HDAC9: variants seen among roughly 807,000 people sequenced by gnomAD.
HDAC9 encodes histone deacetylase 9.
A neutral mutation model predicts 139.4 loss-of-function variants in HDAC9; 41 were observed. That is an observed-to-expected ratio of 0.29 (90% CI 0.23 to 0.38). The LOEUF is 0.38. HDAC9 is among the 10% of genes least tolerant of loss of function. The pLI is 1.00. For synonymous variants in HDAC9, 517 were observed against 476.2 expected (o/e 1.09, Z -1.12); for missense variants, 1,147 against 1,297.0 (o/e 0.88, Z 1.78).
intron 6 of HDAC9, among the ~76,000 whole-genome samples, chr7:18,617,754 G>A (rs1839053879): frequency 6.6e-6 from 1 of 152,100 alleles, no homozygotes; most frequent in Admixed American, 6.6e-5. Context: ...TCTTCAGAGA[G>A]CTCATAATTG....
intron 15 of HDAC9, among the ~76,000 whole-genome samples, chr7:18,762,923 TG>T (rs1355528377): frequency 3.9e-5 from 6 of 152,134 alleles, no homozygotes; most frequent in Non-Finnish European, 8.8e-5. Context: ...TTTATATGAG[TG>T]ATAGAAACAA....
At chr7:18,361,769 G>A (rs909701499) in intron 1 of HDAC9, among the ~76,000 whole-genome samples, 4 of 151,774 alleles carry the variant, frequency 2.6e-5, no homozygotes, top group African/African-American at 9.7e-5. Flanking sequence ...ATTGTCCATA[G>A]TCCACAAAAC....
chr7:18,874,677 A>G, intron 22 of HDAC9, 81 bp downstream of exon 22: 1 of 771,654 alleles, frequency 1.3e-6, no homozygotes, highest in Non-Finnish European at 2.2e-6. Context: ...ACCACCTTTT[A>G]CATGTGTCCA....
chr7:18,904,191 C>G (rs1440360199), intron 22 of HDAC9, among the ~76,000 whole-genome samples: 2 of 152,122 alleles, frequency 1.3e-5, no homozygotes, highest in Non-Finnish European at 2.9e-5. Context: ...TATGAATTTA[C>G]TGAAATAGTA....
chr7:18,370,720 G>A (rs553181109), intron 1 of HDAC9, among the ~76,000 whole-genome samples: 40 of 152,252 alleles, frequency 2.6e-4, no homozygotes, highest in Admixed American at 1.3e-3. Flanking sequence ...TTTTGCATAA[G>A]GGTTCTATTT....
chr7:18,405,257 A>AG (rs747273444), intron 1 of HDAC9, among the ~76,000 whole-genome samples: 24 of 152,350 alleles, frequency 1.6e-4, no homozygotes, highest in Non-Finnish European at 2.8e-4. Flanking sequence ...CTCCCTTAAA[A>AG]CAGAGCTGCT....
At chr7:18,871,224 T>G (rs577540699) in intron 21 of HDAC9, among the ~76,000 whole-genome samples, 3 of 152,282 alleles carry the variant, frequency 2.0e-5, no homozygotes, top group African/African-American at 4.8e-5. Flanking sequence ...TTGAAAGTGC[T>G]TTCATATTGG....
At chr7:18,220,837 A>G (rs1301998274) in intron 2 of HDAC9, among the ~76,000 whole-genome samples, 1 of 152,176 alleles carries the variant, frequency 6.6e-6, no homozygotes, top group East Asian at 1.9e-4. Flanking sequence ...TAAGTCAGGA[A>G]GAAAGCAATC....
intron 22 of HDAC9, among the ~76,000 whole-genome samples, chr7:18,897,111 A>G (rs557355342): frequency 6.6e-6 from 1 of 152,120 alleles, no homozygotes; most frequent in East Asian, 1.9e-4. Context: ...TTTCCTGAAT[A>G]TAATAAATTT....
rs114300193 is a variant in HDAC9, at chr7:18,810,814, G to A, written c.2322+17362G>A. On this transcript the variant is annotated intron_variant, in intron 17 of 25. Transcript: ENST00000686413. ...GGCTTCTTTCACTTAAAATGTTTAC[G>A]TGATACATCCATGCTCTTGCATGGG... 3.2e-3 allele frequency among the ~76,000 whole-genome samples: 488 copies of A among 151,844 alleles called. 3 individuals are homozygous for A. The highest frequency in any genetic ancestry group is 0.011 in the African/African-American group (457 of 41,490).
chr7:18,701,524 T>A (rs1200975141), intron 12 of HDAC9, among the ~76,000 whole-genome samples: 1 of 152,054 alleles, frequency 6.6e-6, no homozygotes, highest in African/African-American at 2.4e-5. Flanking sequence ...TTCCTAAAGA[T>A]GAGTTATTTT....
At chr7:18,192,396 G>T (rs1160420304) in intron 2 of HDAC9, among the ~76,000 whole-genome samples, 1 of 152,100 alleles carries the variant, frequency 6.6e-6, no homozygotes, top group Non-Finnish European at 1.5e-5. Flanking sequence ...AGTTCCTTGG[G>T]TAGATGTTTA....
chr7:18,437,912 C>CCACA (rs577859178), intron 1 of HDAC9, among the ~76,000 whole-genome samples: 2 of 150,770 alleles, frequency 1.3e-5, no homozygotes, highest in Admixed American at 6.6e-5. Context: ...CACACATGCA[C>CCACA]CACACACACA....
Position 18,749,109 on chromosome 7 carries a change from C to G in HDAC9, c.2014C>G (p.Gln672Glu). Reference sequence around the variant, plus strand: ...AATACAGAGTATCTGGTCACGACTGCAAGAAACTGGGCTGCTAAATAAATG... The same window carrying G: ...AATACAGAGTATCTGGTCACGACTGGAAGAAACTGGGCTGCTAAATAAATG... ...GRIQSIWSRLQETGLLNKCER... is the reference protein window; with the variant it reads ...GRIQSIWSRLEETGLLNKCER... The change falls in exon 14 of 26, where the codon CAA becomes GAA. Residue 672 changes from glutamine to glutamate, a missense_variant. This residue lies in a region of HDAC9 where 407 missense variants were observed against 521.5 expected (regional missense o/e 0.78). Transcript: ENST00000686413. 6.2e-7 allele frequency: 1 copy of G among 1,613,722 alleles called. No homozygotes were observed. The highest frequency in any genetic ancestry group is 8.5e-7 in the Non-Finnish European group (1 of 1,179,784).
At chr7:18,206,841 G>A (rs1015769241) in intron 2 of HDAC9, among the ~76,000 whole-genome samples, 4 of 151,908 alleles carry the variant, frequency 2.6e-5, no homozygotes, top group African/African-American at 9.7e-5. Context: ...AAGAGGAGTG[G>A]CAGCAACTGG....
chr7:18,964,070 TTCCCCAATGCAG>T (rs1480683439), intron 24 of HDAC9, among the ~76,000 whole-genome samples: 1 of 152,168 alleles, frequency 6.6e-6, no homozygotes, highest in Non-Finnish European at 1.5e-5. Flanking sequence ...TTCCAGAGAT[TTCCCCAATGCAG>T]GTCTTCAAGA....
intron 2 of HDAC9, among the ~76,000 whole-genome samples, chr7:18,516,564 A>T (rs1803254142): frequency 6.6e-6 from 1 of 152,130 alleles, no homozygotes. Context: ...CACATTCTAG[A>T]TAGTAATATA....
At chr7:18,904,764 AC>A (rs562445331) in intron 22 of HDAC9, among the ~76,000 whole-genome samples, 396 of 151,554 alleles carry the variant, frequency 2.6e-3, no homozygotes, top group African/African-American at 9.0e-3. Context: ...TTTAGTAGAG[AC>A]GAGGTTTCAC....
At chr7:18,119,625 C>T (rs988005071) in intron 1 of HDAC9, among the ~76,000 whole-genome samples, 2 of 152,178 alleles carry the variant, frequency 1.3e-5, no homozygotes, top group African/African-American at 2.4e-5. Flanking sequence ...AATGGGAAAA[C>T]ACACTTGGAT....
Sources: gnomAD v4.1 joint callset for allele counts (sites outside exome capture counted in the v4.1 genomes callset) on GRCh38, gnomAD v4.1.1 for gene constraint, gnomAD v4.1.1 regional missense constraint, MANE v1.5 for transcripts, NCBI Gene and HGNC (gene_info 2026-07-23, HGNC 2026-07-21) for gene names.